LUZP2: variants seen among roughly 807,000 people sequenced by gnomAD.
The protein encoded by LUZP2 is leucine zipper protein 2.
In LUZP2, 52 loss-of-function variants were observed where a neutral mutation model predicts 51.6. That is an observed-to-expected ratio of 1.01 (90% CI 0.81 to 1.27). LUZP2 has a LOEUF of 1.27. LUZP2 is among the 50% of genes most tolerant of loss of function. The probability of loss-of-function intolerance (pLI) is 0.00; values close to 1 mark genes in which losing one functional copy is unlikely to be tolerated. For missense variants in LUZP2, 436 were observed against 395.4 expected, an observed-to-expected ratio of 1.10 and a Z score of -0.87; for synonymous variants, 154 against 137.3, an observed-to-expected ratio of 1.12 and a Z score of -0.85.
At chr11:24,631,104 T>C (rs2133926336) in intron 1 of LUZP2, among the ~76,000 whole-genome samples, 1 of 152,172 alleles carries the variant, frequency 6.6e-6, no homozygotes, top group South Asian at 2.1e-4. Flanking sequence ...GTGCCATCTT[T>C]AGGTTTTTCT....
rs572470818 is a variant in LUZP2 at position 24,976,592 on chromosome 11, C to T, written c.524C>T (p.Ala175Val). Reference protein sequence around the residue: ...RYGKKDLLFKAQQLTDLEQKL... With the variant: ...RYGKKDLLFKVQQLTDLEQKL... Reference sequence around the variant, plus strand: ...GAAGATTTATCTCTTATTTTACAGGCGCAGCAGCTTACTGATCTGGAACAA... The same window carrying T: ...GAAGATTTATCTCTTATTTTACAGGTGCAGCAGCTTACTGATCTGGAACAA... The change falls in exon 8 of 12, where the codon GCG (alanine) becomes GTG (valine). Residue 175 changes from alanine (A) to valine (V), a missense_variant and splice_region_variant. Coordinates refer to ENST00000336930, the MANE Select transcript of LUZP2 (RefSeq NM_001009909.4). The T allele has an allele frequency of 1.5e-4, 238 of 1,579,062 alleles. No homozygotes were observed. Among genetic ancestry groups the T allele is most frequent in the Admixed American group, 2.4e-4 (13 of 53,464 alleles).
At chr11:24,571,055 T>C (rs191539449) in intron 1 of LUZP2, among the ~76,000 whole-genome samples, 11 of 152,104 alleles carry the variant, frequency 7.2e-5, no homozygotes, top group South Asian at 6.2e-4. Context: ...TATAGAAAAA[T>C]AGACTACTAT....
rs569545512 is a variant in LUZP2, at chr11:24,761,187, G to T, written c.334-2059G>T. On this transcript the variant is annotated intron_variant, in intron 4 of 11. Transcript: ENST00000336930. ...TGGCTCAGGTTCCACAGGCTATACAGGAAGCATAGCTGGGGAGGTCTCAGG... is the reference window on the plus strand; with the variant it reads ...TGGCTCAGGTTCCACAGGCTATACATGAAGCATAGCTGGGGAGGTCTCAGG... Among the ~76,000 whole-genome samples, 3 of 152,266 alleles carry T rather than the reference G, an allele frequency of 2.0e-5. No individual in the cohort carries two copies. The East Asian group carries it at 5.8e-4, about 29-fold the overall frequency.
In LUZP2 at chr11:24,606,948, C is replaced by T. The variant is rs148260160; in HGVS notation, c.62+109643C>T. 2.0e-4 allele frequency among the ~76,000 whole-genome samples: 30 copies of T among 151,926 alleles called. No individual in the cohort carries two copies. The East Asian group carries it at 2.9e-3, about 15-fold the overall frequency. On this transcript the variant is annotated intron_variant, in intron 1 of 11. Coordinates refer to ENST00000336930, the MANE Select transcript of LUZP2 (RefSeq NM_001009909.4). ...TATTGGCCATTTGTATGTTTTCCTA[C>T]GAAAAATTTGAGTTCAGGTCCTTTA...
chr11:24,765,748 C>T (rs544597010), intron 5 of LUZP2, among the ~76,000 whole-genome samples: 80 of 151,802 alleles, frequency 5.3e-4, no homozygotes, highest in African/African-American at 1.9e-3. Context: ...TGGCCTCAGC[C>T]TCTGAGTAGC....
intron 5 of LUZP2, among the ~76,000 whole-genome samples, chr11:24,843,211 AACAG>A (rs986910797): frequency 5.3e-5 from 8 of 151,944 alleles, no homozygotes; most frequent in African/African-American, 1.9e-4. Context: ...CCATTAAAGA[AACAG>A]AGTTATTAGT....
At chr11:24,856,938 G>A (rs1851584945) in intron 5 of LUZP2, among the ~76,000 whole-genome samples, 1 of 151,944 alleles carries the variant, frequency 6.6e-6, no homozygotes, top group South Asian at 2.1e-4. Flanking sequence ...GACTCAGAAG[G>A]GTGGGAGGGT....
At chr11:24,555,130 A>G (rs1234733762) in intron 1 of LUZP2, among the ~76,000 whole-genome samples, 2 of 152,152 alleles carry the variant, frequency 1.3e-5, no homozygotes, top group Non-Finnish European at 2.9e-5. Context: ...AATTTTAAAC[A>G]GCTTATTTCG....
At chr11:24,572,247 T>A (rs1008792327) in intron 1 of LUZP2, among the ~76,000 whole-genome samples, 1 of 152,112 alleles carries the variant, frequency 6.6e-6, no homozygotes, top group African/African-American at 2.4e-5. Context: ...ACTGTAAAAA[T>A]TTATTTTATC....
At chr11:24,923,412 T>A (rs1359673723) in intron 7 of LUZP2, among the ~76,000 whole-genome samples, 1 of 151,678 alleles carries the variant, frequency 6.6e-6, no homozygotes, top group African/African-American at 2.4e-5. Flanking sequence ...AAAGACAGGA[T>A]TCGGCTGGGC....
At chr11:25,013,761 T>A (rs1227555446) in intron 9 of LUZP2, among the ~76,000 whole-genome samples, 1 of 152,160 alleles carries the variant, frequency 6.6e-6, no homozygotes, top group Non-Finnish European at 1.5e-5. Context: ...ATTCTTTTTT[T>A]ATTATACTTT....
At chr11:24,980,372 T>G (rs1264631635) in intron 8 of LUZP2, among the ~76,000 whole-genome samples, 2 of 151,798 alleles carry the variant, frequency 1.3e-5, no homozygotes, top group African/African-American at 2.4e-5. Context: ...GAGAAATACT[T>G]TCTTATAAAA....
rs1370537491 is a variant in LUZP2 at position 24,983,277 on chromosome 11, C to A, written c.749C>A (p.Ala250Glu). ...AATATTGCCTCTAAGCTTCCAGATG[C>A]AGCGGCCAAAAGCAAGGTACCTACC... ...PRNIASKLPD[A>E]AAKSKPQQSA... Residue 250 changes from alanine (A) to glutamate (E), a missense_variant, in exon 9 of 12, where the codon GCA becomes GAA. By Grantham distance (107) the Ala-to-Glu change is moderately radical. Transcript: ENST00000336930. 6.2e-7 allele frequency: 1 copy of A among 1,611,624 alleles called. No homozygotes were observed. The highest frequency in any genetic ancestry group is 8.5e-7 in the Non-Finnish European group (1 of 1,178,544).
chr11:25,011,624 T>A (rs1856987294), intron 9 of LUZP2, among the ~76,000 whole-genome samples: 1 of 152,106 alleles, frequency 6.6e-6, no homozygotes, highest in Admixed American at 6.6e-5. Context: ...TCTGAGTGCC[T>A]TTTTATGGAT....
rs1202922850 is a variant in LUZP2, at chr11:25,078,880, T to A, written c.*222T>A. The A allele has an allele frequency of 4.6e-5, 21 of 455,488 alleles. No individual in the cohort carries two copies. The highest frequency in any genetic ancestry group is 6.5e-5 in the Non-Finnish European group (17 of 260,804). 28.2% of individuals were successfully genotyped at this position (455,488 alleles called of 1,614,324 possible). On this transcript the variant is annotated 3_prime_UTR_variant, in exon 12 of 12. Coordinates refer to ENST00000336930, the MANE Select transcript of LUZP2 (RefSeq NM_001009909.4). ...ACCCACAGTCAGAAATATTTTGTTG[T>A]CAACAGTAAATTGTCCCATATAAAT...
At chr11:24,787,866 G>T (rs926174863) in intron 5 of LUZP2, among the ~76,000 whole-genome samples, 1 of 152,114 alleles carries the variant, frequency 6.6e-6, no homozygotes, top group Non-Finnish European at 1.5e-5. Flanking sequence ...TGGGTTCAAG[G>T]AATCCTGCCT....
intron 5 of LUZP2, among the ~76,000 whole-genome samples, chr11:24,788,191 T>C (rs1308799408): frequency 7.2e-6 from 1 of 139,676 alleles, no homozygotes; most frequent in Non-Finnish European, 1.5e-5. Flanking sequence ...TTTTTTTTTT[T>C]TTTTTTTTTT....
At chr11:24,933,823 G>A (rs1854522193) in intron 7 of LUZP2, among the ~76,000 whole-genome samples, 1 of 152,156 alleles carries the variant, frequency 6.6e-6, no homozygotes, top group African/African-American at 2.4e-5. Context: ...TCATCAAAGG[G>A]TGGTGGGATT....
chr11:24,689,829 C>T (rs1857014522), intron 1 of LUZP2, among the ~76,000 whole-genome samples: 1 of 152,078 alleles, frequency 6.6e-6, no homozygotes, highest in South Asian at 2.1e-4. Flanking sequence ...TAACGCTTTC[C>T]ATTGCTACCT....
Sources: gnomAD v4.1 joint callset for allele counts (sites outside exome capture counted in the v4.1 genomes callset) on GRCh38, gnomAD v4.1.1 for gene constraint, MANE v1.5 for transcripts, NCBI Gene and HGNC (gene_info 2026-07-23, HGNC 2026-07-21) for gene names.